EXOC4: variants seen among roughly 807,000 people sequenced by gnomAD.
EXOC4 encodes the protein exocyst complex component 4, also known as SEC8-like 1.
EXOC4 carries 71 observed loss-of-function variants against 107.2 expected under a neutral mutation model. The observed-to-expected ratio is 0.66, with a 90% CI of 0.55 to 0.81. The LOEUF is 0.81. Ranked by LOEUF, EXOC4 falls within the 30% of genes least tolerant of loss-of-function variation. The pLI, the probability that EXOC4 is intolerant of heterozygous loss-of-function variation, is 0.00. For missense variants in EXOC4, 1,108 were observed against 1,189.6 expected, an observed-to-expected ratio of 0.93 and a Z score of 1.01; for synonymous variants, 456 against 441.2, an observed-to-expected ratio of 1.03 and a Z score of -0.42.
At chr7:133,351,713 C>A (rs1795914249) in intron 5 of EXOC4, among the ~76,000 whole-genome samples, 2 of 151,760 alleles carry the variant, frequency 1.3e-5, no homozygotes, top group African/African-American at 2.4e-5. Flanking sequence ...TTACTTTTTT[C>A]TGCTAGCTTT....
At chr7:133,856,690 T>G (rs1166665238) in intron 11 of EXOC4, among the ~76,000 whole-genome samples, 2 of 152,204 alleles carry the variant, frequency 1.3e-5, no homozygotes, top group African/African-American at 2.4e-5. Flanking sequence ...GGCCAATTAA[T>G]GTAGCTCATA....
At chr7:133,367,103 T>C (rs1796264627) in intron 6 of EXOC4, among the ~76,000 whole-genome samples, 1 of 152,122 alleles carries the variant, frequency 6.6e-6, no homozygotes, top group African/African-American at 2.4e-5. Flanking sequence ...TGGGGAAGAA[T>C]ATGATGAGTT....
the EXOC4 span, among the ~76,000 whole-genome samples, chr7:134,095,339 A>G: frequency 6.6e-6 from 1 of 152,198 alleles, no homozygotes; most frequent in East Asian, 1.9e-4. Context: ...ACAAATGGGA[A>G]AATATTCCAT....
At chr7:133,640,036 T>G (rs1802814515) in intron 10 of EXOC4, among the ~76,000 whole-genome samples, 2 of 152,308 alleles carry the variant, frequency 1.3e-5, no homozygotes, top group South Asian at 2.1e-4. Context: ...TATACATACA[T>G]ACATTCAAAT....
chr7:133,835,507 G>A (rs1563020216), intron 11 of EXOC4, among the ~76,000 whole-genome samples: 1 of 152,198 alleles, frequency 6.6e-6, no homozygotes, highest in Non-Finnish European at 1.5e-5. Context: ...CCTTTCCAAA[G>A]GAGGCAGTCA....
At chr7:133,651,697 T>TA (rs1803157921) in intron 10 of EXOC4, among the ~76,000 whole-genome samples, 1 of 152,148 alleles carries the variant, frequency 6.6e-6, no homozygotes, top group Non-Finnish European at 1.5e-5. Context: ...TTTAAATATA[T>TA]TTTTTGAGAT....
intron 17 of EXOC4, among the ~76,000 whole-genome samples, chr7:134,049,267 A>C (rs1795727615): frequency 6.6e-6 from 1 of 152,162 alleles, no homozygotes; most frequent in Non-Finnish European, 1.5e-5. Flanking sequence ...TTTTGTTTGA[A>C]TAATCTAGGC....
chr7:133,363,664 G>A lies in EXOC4; in HGVS notation c.1007+7091G>A, dbSNP rs576569743. On this transcript the variant is annotated intron_variant, in intron 6 of 17. Transcript: ENST00000253861. ...GATTTCTCTTGTTTTACATATTATA[G>A]TAGGTTCAAATTAAAGATCTGACCA... 6.7e-5 allele frequency among the ~76,000 whole-genome samples: 10 copies of A among 150,132 alleles called. No homozygotes were observed. The East Asian group carries it at 1.9e-3, about 29-fold the overall frequency.
intron 10 of EXOC4, among the ~76,000 whole-genome samples, chr7:133,736,146 A>G (rs758279365): frequency 4.6e-5 from 7 of 152,054 alleles, no homozygotes; most frequent in Non-Finnish European, 1.0e-4. Context: ...TTCTACTTAC[A>G]AGCATGCTCA....
chr7:133,285,182 T>C (rs957844460), intron 2 of EXOC4, among the ~76,000 whole-genome samples: 6 of 152,208 alleles, frequency 3.9e-5, no homozygotes, highest in Non-Finnish European at 7.3e-5. Context: ...CACTAATATG[T>C]ACATCTAAGC....
chr7:134,001,381 G>C (rs1794527738), intron 15 of EXOC4, among the ~76,000 whole-genome samples: 1 of 152,046 alleles, frequency 6.6e-6, no homozygotes, highest in African/African-American at 2.4e-5. Context: ...TAATGTCAAA[G>C]TCATAGTAAG....
chr7:133,618,317 A>G (rs765985339), intron 9 of EXOC4, among the ~76,000 whole-genome samples: 1 of 152,028 alleles, frequency 6.6e-6, no homozygotes, highest in Non-Finnish European at 1.5e-5. Flanking sequence ...TTAAAGTTCA[A>G]TATACCATTC....
chr7:133,399,925 A>C (rs975355487), intron 7 of EXOC4, among the ~76,000 whole-genome samples: 5 of 152,196 alleles, frequency 3.3e-5, no homozygotes, highest in Admixed American at 1.3e-4. Context: ...TCACCATTCA[A>C]ATTTGAGAGT....
At chr7:133,645,697 C>A (rs1387630939) in intron 10 of EXOC4, among the ~76,000 whole-genome samples, 1 of 150,696 alleles carries the variant, frequency 6.6e-6, no homozygotes, top group Non-Finnish European at 1.5e-5. Context: ...TCACACAGTT[C>A]ATCGTTCAGG....
At chr7:133,378,288 C>T (rs1420638118) in intron 7 of EXOC4, among the ~76,000 whole-genome samples, 7 of 131,704 alleles carry the variant, frequency 5.3e-5, no homozygotes, top group African/African-American at 8.7e-5. Context: ...CCAGCCTGGG[C>T]GGCAGAGTGA....
rs144281733 is a variant in EXOC4 at position 133,453,417 on chromosome 7, A to G, written c.1183-21911A>G. Among the ~76,000 whole-genome samples the G allele has an allele frequency of 1.2e-3, 189 of 152,284 alleles. 1 individual carries two copies. The highest frequency in any genetic ancestry group is 4.3e-3 in the African/African-American group (179 of 41,572). ...AAAAGAAATCTTACATTTTCTCTCT[A>G]TATTTGCTCTTGGATAATAGCACGC... is the stretch of plus-strand genomic sequence containing the variant. On this transcript the variant is annotated intron_variant, in intron 7 of 17. Coordinates refer to ENST00000253861, the MANE Select transcript of EXOC4 (RefSeq NM_021807.4).
At chr7:133,581,136 G>A (rs750360244) in intron 9 of EXOC4, among the ~76,000 whole-genome samples, 1 of 152,142 alleles carries the variant, frequency 6.6e-6, no homozygotes, top group Non-Finnish European at 1.5e-5. Flanking sequence ...ATCAGAAAAT[G>A]TTTGGACCCC....
At chr7:133,937,065 G>A (rs570733022) in intron 13 of EXOC4, among the ~76,000 whole-genome samples, 1 of 152,252 alleles carries the variant, frequency 6.6e-6, no homozygotes, top group South Asian at 2.1e-4. Flanking sequence ...GTGTCATGTA[G>A]GCAGAACAGT....
chr7:133,378,275 A>C lies in EXOC4; in HGVS notation c.1182+3273A>C, dbSNP rs148730310. 6.3e-3 allele frequency among the ~76,000 whole-genome samples: 918 copies of C among 146,644 alleles called. 10 individuals are homozygous for C. The highest frequency in any genetic ancestry group is 0.022 in the African/African-American group (876 of 39,578). On this transcript the variant is annotated intron_variant, in intron 7 of 17. Coordinates refer to ENST00000253861, the MANE Select transcript of EXOC4 (RefSeq NM_021807.4). The stretch of plus-strand genomic sequence containing the variant: ...TAGTGAGCTGCGATCGCGCCACTGC[A>C]CTCCAGCCTGGGCGGCAGAGTGAGA...
Sources: gnomAD v4.1 joint callset for allele counts (sites outside exome capture counted in the v4.1 genomes callset) on GRCh38, gnomAD v4.1.1 for gene constraint, MANE v1.5 for transcripts, NCBI Gene and HGNC (gene_info 2026-07-23, HGNC 2026-07-21) for gene names.